RBFOX1: variants seen among roughly 807,000 people sequenced by gnomAD.
The protein encoded by RBFOX1 is RNA binding fox-1 homolog 1, also known as RNA binding protein fox-1 homolog 1.
Under a neutral mutation model 57.7 loss-of-function variants are expected in RBFOX1, and 8 were observed. The observed-to-expected ratio is 0.14, with a 90% confidence interval of 0.08 to 0.25. The LOEUF (loss-of-function observed/expected upper bound fraction) is 0.25. Ranked by LOEUF, RBFOX1 falls within the 10% of genes least tolerant of loss-of-function variation. RBFOX1 has a pLI of 1.00. For synonymous variants in RBFOX1, 326 were observed against 222.4 expected (o/e 1.47, Z -4.15); for missense variants, 611 against 548.5 (o/e 1.11, Z -1.14).
chr16:5,501,082 G>T (rs2043177807), intron 2 of RBFOX1, among the ~76,000 whole-genome samples: 1 of 152,214 alleles, frequency 6.6e-6, no homozygotes, highest in Non-Finnish European at 1.5e-5. Flanking sequence ...TTGGGAGGCC[G>T]AGGTGGGCGG....
intron 2 of RBFOX1, among the ~76,000 whole-genome samples, chr16:6,558,631 G>A (rs940310823): frequency 6.6e-6 from 1 of 152,070 alleles, no homozygotes; most frequent in Admixed American, 6.5e-5. Flanking sequence ...TCAATGTCTA[G>A]AAAAATTGTC....
chr16:6,877,318 C>G (rs1233646165), intron 3 of RBFOX1, among the ~76,000 whole-genome samples: 1 of 152,184 alleles, frequency 6.6e-6, no homozygotes, highest in African/African-American at 2.4e-5. Context: ...ATGTGTGCAT[C>G]TGGCAGAGCT....
At chr16:7,111,456 C>G (rs1263296434) in intron 4 of RBFOX1, among the ~76,000 whole-genome samples, 6 of 152,026 alleles carry the variant, frequency 3.9e-5, no homozygotes, top group South Asian at 4.2e-4. Flanking sequence ...ATAATGCTTC[C>G]TTTGATTATA....
intron 1 of RBFOX1, among the ~76,000 whole-genome samples, chr16:6,259,761 C>G (rs1235998185): frequency 6.6e-6 from 1 of 151,974 alleles, no homozygotes; most frequent in East Asian, 1.9e-4. Context: ...AGTTCGAGAC[C>G]AGCCTGGCAA....
At chr16:7,350,650 T>A (rs1377668612) in intron 4 of RBFOX1, among the ~76,000 whole-genome samples, 1 of 152,162 alleles carries the variant, frequency 6.6e-6, no homozygotes, top group Non-Finnish European at 1.5e-5. Flanking sequence ...AGACGACCAG[T>A]ACCATGTTAT....
intron 1 of RBFOX1, among the ~76,000 whole-genome samples, chr16:6,098,459 C>T (rs1025977901): frequency 2.6e-5 from 4 of 152,198 alleles, no homozygotes; most frequent in Non-Finnish European, 5.9e-5. Context: ...ACCCCAGCCT[C>T]GGGAGGCCCA....
rs78911856 is a variant in RBFOX1 at position 5,290,228 on chromosome 16, G to C, written c.219+50123G>C. On this transcript the variant is annotated intron_variant, in intron 1 of 2. Coordinates refer to the RBFOX1 transcript ENST00000585867. ...AATACAAAGATTAGCTTGGTGTGGT[G>C]GCAGACGCCTCTAATCCCAGCTACT... Among the ~76,000 whole-genome samples, 2,137 of 152,284 alleles carry C rather than the reference G, an allele frequency of 0.014. 107 individuals carry two copies. In the East Asian group the frequency reaches 0.19, roughly 13 times the overall value.
chr16:6,691,983 G>A (rs528402703), intron 3 of RBFOX1, among the ~76,000 whole-genome samples: 6 of 152,234 alleles, frequency 3.9e-5, no homozygotes, highest in Admixed American at 2.6e-4. Context: ...TTAGGGACAT[G>A]GATTTTTCCC....
At chr16:7,703,142 C>T (rs767618729) in intron 14 of RBFOX1, among the ~76,000 whole-genome samples, 40 of 152,290 alleles carry the variant, frequency 2.6e-4, no homozygotes, top group Admixed American at 3.3e-4. Flanking sequence ...CTATGCTGTA[C>T]GGTAAGTGTG....
At chr16:7,215,725 A>ACT (rs2091921110) in intron 4 of RBFOX1, among the ~76,000 whole-genome samples, 1 of 133,368 alleles carries the variant, frequency 7.5e-6, no homozygotes, top group Non-Finnish European at 1.6e-5. Context: ...CCTATTCTGG[A>ACT]TTTTTTTTTT....
intron 4 of RBFOX1, among the ~76,000 whole-genome samples, chr16:7,175,220 C>T (rs908932604): frequency 2.6e-5 from 4 of 151,916 alleles, no homozygotes; most frequent in Admixed American, 2.0e-4. Context: ...CCCCAATAGG[C>T]CCCAGTGTGT....
intron 1 of RBFOX1, among the ~76,000 whole-genome samples, chr16:5,394,730 G>A (rs1291841350): frequency 6.6e-6 from 1 of 151,856 alleles, no homozygotes; most frequent in East Asian, 1.9e-4. Flanking sequence ...TGTATTTTTT[G>A]TAGAAATGGG....
At chr16:6,850,824 G>T (rs976857193) in intron 3 of RBFOX1, among the ~76,000 whole-genome samples, 5 of 152,274 alleles carry the variant, frequency 3.3e-5, no homozygotes, top group African/African-American at 7.2e-5. Context: ...TCATTTTCTT[G>T]TAGAACTAAG....
chr16:5,531,802 CTTTT>C (rs35194843), intron 2 of RBFOX1, among the ~76,000 whole-genome samples: 15 of 134,232 alleles, frequency 1.1e-4, no homozygotes, highest in Non-Finnish European at 1.6e-4. Context: ...GTCAAGAGGT[CTTTT>C]TTTTTTTTTT....
intron 1 of RBFOX1, among the ~76,000 whole-genome samples, chr16:6,101,400 T>C (rs2096306356): frequency 6.6e-6 from 1 of 152,218 alleles, no homozygotes; most frequent in Non-Finnish European, 1.5e-5. Flanking sequence ...GGCTTTATTT[T>C]TTCTCACAAG....
intron 3 of RBFOX1, among the ~76,000 whole-genome samples, chr16:6,655,228 G>A (rs976240041): frequency 6.6e-6 from 1 of 151,156 alleles, no homozygotes; most frequent in Non-Finnish European, 1.5e-5. Flanking sequence ...AGAAAAATTA[G>A]CCGGGTGTGG....
chr16:6,848,673 G>A (rs116437101), intron 3 of RBFOX1, among the ~76,000 whole-genome samples: 6,017 of 152,136 alleles, frequency 0.04, 171 homozygotes, highest in South Asian at 0.085. Flanking sequence ...AAGCAACCTA[G>A]GTAGATAGCT....
chr16:6,239,558 G>A (rs2097529122), intron 1 of RBFOX1, among the ~76,000 whole-genome samples: 1 of 125,750 alleles, frequency 8.0e-6, no homozygotes. Flanking sequence ...GAGTGCAGTG[G>A]CACAACCTCG....
chr16:5,920,802 G>T (rs189210337), intron 4 of RBFOX1, among the ~76,000 whole-genome samples: 8 of 152,312 alleles, frequency 5.3e-5, no homozygotes, highest in African/African-American at 1.9e-4. Flanking sequence ...TTCCTGCTCA[G>T]CATTATAATT....
Sources: gnomAD v4.1 joint callset for allele counts (sites outside exome capture counted in the v4.1 genomes callset) on GRCh38, gnomAD v4.1.1 for gene constraint, MANE v1.5 for transcripts, NCBI Gene and HGNC (gene_info 2026-07-23, HGNC 2026-07-21) for gene names.